Variants in DIP2B observed in about 807,000 individuals in gnomAD.
DIP2B encodes disco-interacting protein 2 homolog B.
Under a neutral mutation model 198.0 loss-of-function variants are expected in DIP2B, and 76 were observed. The ratio of observed to expected loss-of-function variants is 0.38; its 90% CI spans 0.32 to 0.46. The LOEUF (loss-of-function observed/expected upper bound fraction) is 0.46. Ranked by LOEUF, DIP2B falls within the 20% of genes least tolerant of loss-of-function variation. The pLI is 0.99. For missense variants in DIP2B, 1,559 were observed against 1,978.4 expected (o/e 0.79, Z 4.02); for synonymous variants, 701 against 739.1 (o/e 0.95, Z 0.84).
intron 1 of DIP2B, among the ~76,000 whole-genome samples, chr12:50,598,469 CAT>C (rs1958897702): frequency 6.6e-6 from 1 of 151,734 alleles, no homozygotes; most frequent in Non-Finnish European, 1.5e-5. Context: ...ACTTCTGGAA[CAT>C]ATTATTTTAC....
At chr12:50,721,747 A>G (rs934315661) in intron 26 of DIP2B, among the ~76,000 whole-genome samples, 4 of 152,220 alleles carry the variant, frequency 2.6e-5, no homozygotes, top group African/African-American at 9.6e-5. Flanking sequence ...GAATGGGGCA[A>G]TTTCACCCAG....
At chr12:50,510,600 A>G (rs1489253748) in intron 1 of DIP2B, among the ~76,000 whole-genome samples, 1 of 151,102 alleles carries the variant, frequency 6.6e-6, no homozygotes, top group Non-Finnish European at 1.5e-5. Flanking sequence ...CTTCTTGCTT[A>G]TATGCACAGT....
Position 50,692,557 on chromosome 12 carries a change from G to T in DIP2B, c.1655-392G>T, listed in dbSNP as rs528863494. Among the ~76,000 whole-genome samples the T allele has an allele frequency of 8.6e-4, 131 of 152,084 alleles. 1 individual carries two copies. The highest frequency in any genetic ancestry group is 1.1e-3 in the Non-Finnish European group (76 of 67,988). On this transcript the variant is annotated intron_variant, in intron 13 of 37. Coordinates refer to ENST00000301180, the MANE Select transcript of DIP2B (RefSeq NM_173602.3). Reference sequence around the variant, plus strand: ...CATTTCTCTAAAAACATCAAATCAGGCTGGGCGCTGTGGCTTATGTCTGTA... The same window carrying T: ...CATTTCTCTAAAAACATCAAATCAGTCTGGGCGCTGTGGCTTATGTCTGTA...
rs142758568 is a variant in DIP2B at position 50,719,231 on chromosome 12, A to G, written c.3042+196A>G. Among the ~76,000 whole-genome samples the G allele has an allele frequency of 3.8e-3, 586 of 152,292 alleles. 5 individuals carry two copies. The highest frequency in any genetic ancestry group is 0.013 in the African/African-American group (550 of 41,568). On this transcript the variant is annotated intron_variant, in intron 25 of 37. Transcript: ENST00000301180. Reference sequence around the variant, plus strand: ...TTGGACTGAGACCTCCTGGAGTGCTATGTAATACTTTCTTTTCTTATGGTA... The same window carrying G: ...TTGGACTGAGACCTCCTGGAGTGCTGTGTAATACTTTCTTTTCTTATGGTA...
chr12:50,584,682 G>C (rs1466994261), intron 1 of DIP2B, among the ~76,000 whole-genome samples: 1 of 152,118 alleles, frequency 6.6e-6, no homozygotes, highest in Non-Finnish European at 1.5e-5. Context: ...TCCTGCCTCA[G>C]CCTCCTGAGT....
intron 1 of DIP2B, among the ~76,000 whole-genome samples, chr12:50,589,234 C>CTTT (rs1565835282): frequency 6.9e-6 from 1 of 145,156 alleles, no homozygotes; most frequent in African/African-American, 2.7e-5. Context: ...ATTTGTTTGT[C>CTTT]TTTGTTTTTT....
chr12:50,696,915 GACAGTAAAATA>G (rs1194443338), intron 16 of DIP2B, 135 bp from the exon 17 acceptor site: 2 of 610,026 alleles, frequency 3.3e-6, no homozygotes, highest in African/African-American at 3.8e-5. Context: ...ATCTCACAGG[GACAGTAAAATA>G]TTTGCGTGGA....
At chr12:50,530,869 T>G (rs887774685) in intron 1 of DIP2B, among the ~76,000 whole-genome samples, 1 of 151,968 alleles carries the variant, frequency 6.6e-6, no homozygotes, top group African/African-American at 2.4e-5. Context: ...GAGAGAAAAT[T>G]CAGTTTTACT....
At chr12:50,626,155 A>C in intron 2 of DIP2B, 108 bp downstream of exon 2, 1 of 1,108,772 alleles carries the variant, frequency 9.0e-7, no homozygotes, top group Non-Finnish European at 1.3e-6. Flanking sequence ...TCCCTTCCTC[A>C]CCAGGGGAGA....
At chr12:50,599,719 C>G (rs535887068) in intron 1 of DIP2B, among the ~76,000 whole-genome samples, 1 of 152,164 alleles carries the variant, frequency 6.6e-6, no homozygotes, top group Non-Finnish European at 1.5e-5. Flanking sequence ...ACCAGCTATT[C>G]GTATAATATA....
chr12:50,706,500 A>T, intron 20 of DIP2B, 38 bp from the exon 21 acceptor site: 3 of 1,606,690 alleles, frequency 1.9e-6, no homozygotes, highest in Admixed American at 3.4e-5. Flanking sequence ...TTACTATTTA[A>T]ATCATGGAAA....
chr12:50,617,249 G>A (rs567710630), intron 1 of DIP2B, among the ~76,000 whole-genome samples: 11 of 150,918 alleles, frequency 7.3e-5, no homozygotes, highest in South Asian at 4.2e-4. Context: ...TCCACCTCCC[G>A]GGTTCATGCC....
intron 3 of DIP2B, among the ~76,000 whole-genome samples, chr12:50,646,743 TTTACTC>T (rs2139494293): frequency 6.6e-6 from 1 of 152,164 alleles, no homozygotes; most frequent in South Asian, 2.1e-4. Context: ...CTTAATGACT[TTTACTC>T]TAAGTATGGA....
At chr12:50,660,135 A>G in intron 3 of DIP2B, 59 bp from the exon 4 acceptor site, 1 of 1,454,748 alleles carries the variant, frequency 6.9e-7, no homozygotes, top group South Asian at 1.6e-5. Context: ...AGTTCAGCTC[A>G]CAGTGGTAAA....
chr12:50,562,365 AGAACAGGGCTTT>A (rs1958526639), intron 1 of DIP2B, among the ~76,000 whole-genome samples: 1 of 152,184 alleles, frequency 6.6e-6, no homozygotes. Context: ...TTAAAAGCAT[AGAACAGGGCTTT>A]CCTATCTTAT....
chr12:50,556,243 T>A (rs1427475682), intron 1 of DIP2B, among the ~76,000 whole-genome samples: 3 of 151,418 alleles, frequency 2.0e-5, no homozygotes, highest in Non-Finnish European at 4.4e-5. Context: ...AGAGACGGAG[T>A]TTTACCACAT....
chr12:50,560,470 A>G (rs1958510160), intron 1 of DIP2B, among the ~76,000 whole-genome samples: 2 of 152,150 alleles, frequency 1.3e-5, no homozygotes, highest in Admixed American at 6.5e-5. Context: ...TGGGAGGCTG[A>G]GGCAGGAGAA....
chr12:50,534,781 T>C (rs1203516663), intron 1 of DIP2B, among the ~76,000 whole-genome samples: 1 of 152,224 alleles, frequency 6.6e-6, no homozygotes, highest in African/African-American at 2.4e-5. Context: ...TTATAAGCTT[T>C]GTGACCTTGG....
intron 15 of DIP2B, among the ~76,000 whole-genome samples, chr12:50,695,562 G>A (rs1041704123): frequency 5.9e-5 from 9 of 152,044 alleles, no homozygotes; most frequent in East Asian, 1.9e-4. Flanking sequence ...TTCCAAATGC[G>A]AGCCTTGAAT....
Sources: gnomAD v4.1 joint callset for allele counts (sites outside exome capture counted in the v4.1 genomes callset) on GRCh38, gnomAD v4.1.1 for gene constraint, MANE v1.5 for transcripts, NCBI Gene and HGNC (gene_info 2026-07-23, HGNC 2026-07-21) for gene names.